Variants in TM2D3 observed in about 807,000 individuals in gnomAD.
TM2D3 encodes TM2 domain-containing protein 3.
A neutral mutation model predicts 27.3 loss-of-function variants in TM2D3; 33 were observed. The ratio of observed to expected loss-of-function variants is 1.21; its 90% CI spans 0.92 to 1.61. TM2D3 has a LOEUF of 1.61. Ranked by LOEUF, TM2D3 falls within the 40% of genes most tolerant of loss-of-function variation. The probability of loss-of-function intolerance (pLI) is 0.00; values close to 1 mark genes in which losing one functional copy is unlikely to be tolerated. For missense variants in TM2D3, 364 were observed against 320.8 expected (o/e 1.13, Z -1.03); for synonymous variants, 138 against 122.2 (o/e 1.13, Z -0.85).
At chr15:101,647,239 C>A (rs917557139) in intron 3 of TM2D3, among the ~76,000 whole-genome samples, 3 of 152,094 alleles carry the variant, frequency 2.0e-5, no homozygotes, top group African/African-American at 7.2e-5. Context: ...TTTTATAATG[C>A]AGAAAAGAGG....
Position 101,642,358 on chromosome 15 carries a change from G to A in TM2D3, c.*121C>T. On this transcript the variant is annotated 3_prime_UTR_variant, in exon 6 of 6. Coordinates refer to ENST00000333202, the MANE Select transcript of TM2D3 (RefSeq NM_078474.3). ...TTTCATTTATCTTACCTTTATCAAG[G>A]CAAACAAAGTACAGATGCTGTACAT... The A allele has an allele frequency of 7.4e-7, 1 of 1,349,432 alleles. No homozygotes were observed. Among genetic ancestry groups the A allele is most frequent in the Non-Finnish European group, 9.6e-7 (1 of 1,046,386 alleles). The allele number at this position is 1,349,432 out of a possible 1,614,324, so 83.6% of individuals were successfully genotyped here. A position where few individuals can be genotyped will look rare whatever the true frequency, so the allele number is the denominator to read the frequency against.
intron 1 of TM2D3, 75 bp downstream of exon 1, chr15:101,652,196 C>T (rs1897004328): frequency 1.5e-6 from 2 of 1,367,902 alleles, no homozygotes; most frequent in South Asian, 2.4e-5. Flanking sequence ...CGCCCGTGGG[C>T]CCGGCCTCCT....
downstream of TM2D3, chr15:101,641,779 C>T: frequency 1.7e-6 from 1 of 573,498 alleles, no homozygotes; most frequent in South Asian, 7.8e-5. Flanking sequence ...AAATGTTATT[C>T]TTAACAATAA....
chr15:101,650,165 T>G lies in TM2D3; in HGVS notation c.170-4A>C. ...TAAGGTGGGATTTCAGTACTTTCTG[T>G]GAGAGGCAAGAGAGAAGCTTATTCT... On this transcript the variant is annotated splice_region_variant and splice_polypyrimidine_tract_variant and intron_variant, in intron 2 of 5. Coordinates refer to ENST00000333202, the MANE Select transcript of TM2D3 (RefSeq NM_078474.3). The G allele has an allele frequency of 1.2e-6, 2 of 1,611,972 alleles. No individual in the cohort carries two copies. Among genetic ancestry groups the G allele is most frequent in the Non-Finnish European group, 1.7e-6 (2 of 1,179,078 alleles).
Position 101,646,917 on chromosome 15 carries a change from C to G in TM2D3, c.328-18G>C. 6.2e-7 allele frequency: 1 copy of G among 1,613,822 alleles called. No homozygotes were observed. The highest frequency in any genetic ancestry group is 8.5e-7 in the Non-Finnish European group (1 of 1,179,804). ...TCTTGATCCTATGTAGCAAATGACACAAAACTCATCAATCACAATGGTGTA... is the reference window on the plus strand; with the variant it reads ...TCTTGATCCTATGTAGCAAATGACAGAAAACTCATCAATCACAATGGTGTA... On this transcript the variant is annotated intron_variant, in intron 3 of 5. Transcript: ENST00000333202.
Position 101,648,199 on chromosome 15 carries a change from T to A in TM2D3, c.328-1300A>T, listed in dbSNP as rs779091836. 3 of 150,944 alleles carry A rather than the reference T, an allele frequency of 2.0e-5. No individual in the cohort carries two copies. In the East Asian group the frequency reaches 5.8e-4, roughly 29 times the overall value. The allele number at this position is 150,944 out of a possible 1,614,324, so 9.4% of individuals were successfully genotyped here. On this transcript the variant is annotated intron_variant, in intron 3 of 5. Transcript: ENST00000333202. ...GGTGTAGGCCACCACGCCCGGCCCA[T>A]GTTTGTTATTTTTTTTAACATTTCA...
chr15:101,644,919 C>T (rs944289085), intron 5 of TM2D3, among the ~76,000 whole-genome samples, 168 bp downstream of exon 5: 5 of 152,162 alleles, frequency 3.3e-5, no homozygotes, highest in African/African-American at 9.7e-5. Flanking sequence ...GTCAACTCCA[C>T]GGAGGTACTG....
At chr15:101,633,680 A>C in exon 5 of TM2D3, 3 of 1,533,408 alleles carry the variant, frequency 2.0e-6, no homozygotes, top group Non-Finnish European at 1.7e-6. Context: ...GGTGATGTCA[A>C]TGAAGTCCAA....
downstream of TM2D3, among the ~76,000 whole-genome samples, chr15:101,640,926 C>T (rs1896652882): frequency 3.9e-5 from 6 of 152,308 alleles, no homozygotes; most frequent in South Asian, 1.2e-3. Flanking sequence ...CCCAGAGCCA[C>T]AAAAATGGTT....
chr15:101,636,990 C>G (rs1248352460), downstream of TM2D3: 8 of 359,464 alleles, frequency 2.2e-5, no homozygotes, highest in Non-Finnish European at 4.5e-5. Context: ...GGCACAGTAT[C>G]AAGAGGTCCT....
intron 2 of TM2D3, chr15:101,650,678 C>A (rs1896945137): frequency 6.6e-6 from 1 of 152,266 alleles, no homozygotes; most frequent in African/African-American, 2.4e-5. Context: ...CACACTGGTA[C>A]TTCGATAAGC....
At chr15:101,637,065 C>T (rs1011406324), downstream of TM2D3, 1 of 207,566 alleles carries the variant, frequency 4.8e-6, no homozygotes, top group African/African-American at 2.3e-5. Context: ...AGACATAAGA[C>T]ACCAGTCAAT....
intron 3 of TM2D3, among the ~76,000 whole-genome samples, chr15:101,649,116 T>G (rs1596267762): frequency 6.6e-6 from 1 of 152,352 alleles, no homozygotes; most frequent in South Asian, 2.1e-4. Context: ...GTTTTTCATG[T>G]TATATATCTA....
intron 5 of TM2D3, 110 bp downstream of exon 5, chr15:101,644,977 G>T: frequency 1.1e-6 from 1 of 932,802 alleles, no homozygotes; most frequent in Non-Finnish European, 1.7e-6. Flanking sequence ...TCTAACACAC[G>T]TGGTAGGATC....
Position 101,647,937 on chromosome 15 carries a change from G to A in TM2D3, c.328-1038C>T, listed in dbSNP as rs1013430082. On this transcript the variant is annotated intron_variant, in intron 3 of 5. Coordinates refer to ENST00000333202, the MANE Select transcript of TM2D3 (RefSeq NM_078474.3). ...TTTTGAGATGGAGTCTCGCTCTGTC[G>A]CCCAGGCTGGAATGCGGTGGTGCAA... Among the ~76,000 whole-genome samples the A allele has an allele frequency of 5.9e-5, 9 of 151,292 alleles. 1 individual carries two copies. Among genetic ancestry groups the A allele is most frequent in the African/African-American group, 9.7e-5 (4 of 41,082 alleles).
chr15:101,650,378 T>C (rs1896937871), intron 2 of TM2D3: 1 of 425,234 alleles, frequency 2.4e-6, no homozygotes, highest in East Asian at 3.6e-5. Flanking sequence ...AAAACATTAC[T>C]TCATTCCTGC....
At chr15:101,636,887 A>T (rs1342374530), downstream of TM2D3, 1 of 434,336 alleles carries the variant, frequency 2.3e-6, no homozygotes, top group Non-Finnish European at 4.6e-6. Flanking sequence ...TCTGTGGCTC[A>T]GGCTGGAGTG....
chr15:101,649,832 T>C (rs1896921956), intron 3 of TM2D3, among the ~76,000 whole-genome samples, 172 bp downstream of exon 3: 1 of 152,250 alleles, frequency 6.6e-6, no homozygotes, highest in Non-Finnish European at 1.5e-5. Context: ...TGAGCTGATA[T>C]GGAAAGGTCT....
intron 4 of TM2D3, chr15:101,635,883 CTG>C (rs1337622926): frequency 6.6e-6 from 1 of 152,174 alleles, no homozygotes; most frequent in Admixed American, 6.5e-5. Context: ...CTTTCGCAGA[CTG>C]TGTTTCTTCC....
Sources: gnomAD v4.1 joint callset for allele counts (sites outside exome capture counted in the v4.1 genomes callset) on GRCh38, gnomAD v4.1.1 for gene constraint, MANE v1.5 for transcripts, NCBI Gene and HGNC (gene_info 2026-07-23, HGNC 2026-07-21) for gene names.